Variants in MYO18B observed in about 807,000 individuals in gnomAD.
The protein encoded by MYO18B is myosin XVIIIB.
MYO18B carries 204 observed loss-of-function variants against 273.0 expected under a neutral mutation model. The observed-to-expected ratio is 0.75, with a 90% CI of 0.67 to 0.84. The LOEUF (loss-of-function observed/expected upper bound fraction) is 0.84, where lower values mean the gene tolerates loss of function less well. Among genes scored for constraint, MYO18B ranks in the 40% least tolerant of loss-of-function variants. MYO18B has a pLI of 0.00. For synonymous variants in MYO18B, 1,330 were observed against 1,305.7 expected (o/e 1.02, Z -0.40); for missense variants, 3,212 against 3,287.6 (o/e 0.98, Z 0.56).
At chr22:25,802,766 A>AC (rs1391738290) in intron 12 of MYO18B, among the ~76,000 whole-genome samples, 2,600 of 98,594 alleles carry the variant, frequency 0.026, 93 homozygotes, top group East Asian at 0.11. Flanking sequence ...AAAAAAAAAA[A>AC]AAAAAAAAAA....
intron 16 of MYO18B, among the ~76,000 whole-genome samples, chr22:25,834,250 G>A (rs761919085): frequency 1.1e-4 from 16 of 151,592 alleles, no homozygotes; most frequent in Non-Finnish European, 2.4e-4. Context: ...GGATTCAAGC[G>A]ATTCTCGTGC....
chr22:25,918,038 G>T (rs60706280), intron 33 of MYO18B, among the ~76,000 whole-genome samples: 1 of 152,146 alleles, frequency 6.6e-6, no homozygotes, highest in Non-Finnish European at 1.5e-5. Context: ...TCTAAATGAG[G>T]TCTATATTAT....
At chr22:26,017,156 TC>T (rs773914054) in intron 42 of MYO18B, among the ~76,000 whole-genome samples, 1 of 146,024 alleles carries the variant, frequency 6.8e-6, no homozygotes, top group Non-Finnish European at 1.5e-5. Flanking sequence ...CCTCCCTCCT[TC>T]TTTCCTTCCC....
intron 12 of MYO18B, among the ~76,000 whole-genome samples, chr22:25,813,873 G>A (rs966503882): frequency 6.6e-6 from 1 of 152,036 alleles, no homozygotes; most frequent in East Asian, 1.9e-4. Flanking sequence ...GCCTTCCCAC[G>A]GCTGCAGACC....
At chr22:25,745,558 A>C (rs2085755450) in intron 1 of MYO18B, among the ~76,000 whole-genome samples, 1 of 151,786 alleles carries the variant, frequency 6.6e-6, no homozygotes, top group East Asian at 1.9e-4. Flanking sequence ...CTTCATATGA[A>C]TCTCTCCTCT....
At chr22:25,838,949 ATGTC>A (rs1362082551) in intron 17 of MYO18B, among the ~76,000 whole-genome samples, 1 of 150,976 alleles carries the variant, frequency 6.6e-6, no homozygotes, top group Admixed American at 6.6e-5. Flanking sequence ...ATGTGTGTGT[ATGTC>A]TAGTTGTTTG....
intron 12 of MYO18B, among the ~76,000 whole-genome samples, chr22:25,820,538 T>C (rs958744826): frequency 6.9e-6 from 1 of 144,570 alleles, no homozygotes; most frequent in Non-Finnish European, 1.5e-5. Flanking sequence ...AGAACTTTTT[T>C]TAGTTTTATT....
At chr22:25,871,335 G>A (rs917994051) in intron 22 of MYO18B, among the ~76,000 whole-genome samples, 3 of 152,126 alleles carry the variant, frequency 2.0e-5, no homozygotes, top group Non-Finnish European at 4.4e-5. Flanking sequence ...TTTAACAGGG[G>A]GTGGCTGTCA....
intron 34 of MYO18B, among the ~76,000 whole-genome samples, chr22:25,939,175 T>C (rs1470845782): frequency 6.6e-6 from 1 of 152,248 alleles, no homozygotes; most frequent in Non-Finnish European, 1.5e-5. Context: ...TTACCTCCTT[T>C]AATTCACTCA....
rs1345693534 is a variant in MYO18B, at chr22:25,777,690, G to C, written c.1977G>C (p.Leu659=). The change falls in exon 8 of 44, where the codon CTG becomes CTC. Residue 659 remains leucine (L), a synonymous_variant. Transcript: ENST00000335473. The part of the protein sequence containing the change: ...NQRRDQSIVA[L]GWSGAGKTTC... The stretch of plus-strand genomic sequence containing the variant: ...GGAGAGACCAGAGCATTGTGGCCCT[G>C]GGCTGGAGTGGCGCTGGGAAGACCA... The C allele has an allele frequency of 1.9e-6, 3 of 1,613,252 alleles. No individual in the cohort carries two copies. In the South Asian group the frequency reaches 3.3e-5, roughly 18 times the overall value.
chr22:25,748,296 C>T (rs1214991826), intron 1 of MYO18B, among the ~76,000 whole-genome samples: 1 of 152,180 alleles, frequency 6.6e-6, no homozygotes, highest in African/African-American at 2.4e-5. Flanking sequence ...CTCATTGGGA[C>T]ATGAGGACCT....
intron 25 of MYO18B, among the ~76,000 whole-genome samples, chr22:25,890,306 GT>G (rs1456989482): frequency 6.6e-6 from 1 of 152,212 alleles, no homozygotes; most frequent in Non-Finnish European, 1.5e-5. Context: ...TTCTGGTGCA[GT>G]GGGCATCCAT....
chr22:25,854,272 G>A (rs1047545750), intron 21 of MYO18B, among the ~76,000 whole-genome samples: 3 of 152,108 alleles, frequency 2.0e-5, no homozygotes, highest in African/African-American at 4.8e-5. Context: ...AATAGCATAT[G>A]TCTTTTATCA....
At chr22:26,023,645 G>A (rs1368603148) in intron 42 of MYO18B, among the ~76,000 whole-genome samples, 2 of 152,104 alleles carry the variant, frequency 1.3e-5, no homozygotes, top group Non-Finnish European at 2.9e-5. Flanking sequence ...TTCAGTGACA[G>A]GAGCCCTCAA....
chr22:25,794,034 C>T (rs569689240), intron 11 of MYO18B, among the ~76,000 whole-genome samples: 28 of 151,742 alleles, frequency 1.8e-4, no homozygotes, highest in South Asian at 1.3e-3. Context: ...CCTGGGTTCA[C>T]GCCATTCTCC....
At chr22:25,822,576 G>A (rs1032861224) in intron 12 of MYO18B, among the ~76,000 whole-genome samples, 7 of 152,078 alleles carry the variant, frequency 4.6e-5, no homozygotes, top group East Asian at 1.9e-4. Context: ...CAGTCAACAT[G>A]TACACAGTAA....
Position 26,026,627 on chromosome 22 carries a change from CAG to C in MYO18B, c.6659_6660del (p.Arg2220IlefsTer77), listed in dbSNP as rs748069734. ...GTGCTTGCCGTCCAGAGAAAGTCCA[CAG>C]AGAGATTAGAACCTGCTTCCTCTCC... On this transcript the variant is annotated frameshift_variant, in exon 43 of 44. Coordinates refer to ENST00000335473, the MANE Select transcript of MYO18B (RefSeq NM_032608.7). LOFTEE classifies it high-confidence loss of function. The C allele has an allele frequency of 1.2e-6, 2 of 1,613,696 alleles. No individual in the cohort carries two copies. The highest frequency in any genetic ancestry group is 1.7e-6 in the Non-Finnish European group (2 of 1,179,878).
chr22:26,030,761 C>T lies in MYO18B; in HGVS notation c.*331C>T. On this transcript the variant is annotated 3_prime_UTR_variant, in exon 44 of 44. Coordinates refer to ENST00000335473, the MANE Select transcript of MYO18B (RefSeq NM_032608.7). ...AACTGTGTGTAGTTTGGGGTGTATA[C>T]TTCTATTTCTCTTCCTACATGTCTA... The T allele has an allele frequency of 2.5e-6, 1 of 394,250 alleles. No individual in the cohort carries two copies. Among genetic ancestry groups the T allele is most frequent in the Non-Finnish European group, 4.5e-6 (1 of 223,932 alleles). 24.4% of individuals were successfully genotyped at this position (394,250 alleles called of 1,614,324 possible). A position where few individuals can be genotyped will look rare whatever the true frequency, so the allele number is the denominator to read the frequency against.
chr22:25,935,983 A>C (rs533142033), intron 34 of MYO18B, among the ~76,000 whole-genome samples: 34 of 152,330 alleles, frequency 2.2e-4, no homozygotes, highest in African/African-American at 6.3e-4. Context: ...TGTCTGCCTC[A>C]GTCTCTCAGT....
Sources: gnomAD v4.1 joint callset for allele counts (sites outside exome capture counted in the v4.1 genomes callset) on GRCh38, gnomAD v4.1.1 for gene constraint, MANE v1.5 for transcripts, NCBI Gene and HGNC (gene_info 2026-07-23, HGNC 2026-07-21) for gene names.